PAPPA: variants seen among roughly 807,000 people sequenced by gnomAD.
PAPPA encodes the protein pappalysin-1.
In PAPPA, 60 loss-of-function variants were observed where a neutral mutation model predicts 164.0. The observed-to-expected ratio is 0.37, with a 90% CI of 0.30 to 0.45. PAPPA has a LOEUF of 0.45. Ranked by LOEUF, PAPPA falls within the 20% of genes least tolerant of loss-of-function variation. The pLI, the probability that PAPPA is intolerant of heterozygous loss-of-function variation, is 1.00. For missense variants in PAPPA, 1,782 were observed against 2,087.3 expected, an observed-to-expected ratio of 0.85 and a Z score of 2.85; for synonymous variants, 875 against 814.1, an observed-to-expected ratio of 1.07 and a Z score of -1.27.
At chr9:116,289,208 A>G (rs1321457674) in intron 9 of PAPPA, among the ~76,000 whole-genome samples, 2 of 10,894 alleles carry the variant, frequency 1.8e-4, no homozygotes, top group South Asian at 7.1e-3. Context: ...ATATATATAT[A>G]GCATATATGT....
chr9:116,316,797 G>T (rs1570518), intron 10 of PAPPA, among the ~76,000 whole-genome samples: 1 of 152,038 alleles, frequency 6.6e-6, no homozygotes, highest in African/African-American at 2.4e-5. Flanking sequence ...GCATCCTTTG[G>T]AGACTCTTCC....
At chr9:116,356,895 G>A (rs565808741) in intron 17 of PAPPA, among the ~76,000 whole-genome samples, 40 of 152,246 alleles carry the variant, frequency 2.6e-4, no homozygotes, top group Non-Finnish European at 3.8e-4. Flanking sequence ...AACCACCATG[G>A]CACCTGTATA....
chr9:116,233,779 C>A (rs1301550520), intron 6 of PAPPA, among the ~76,000 whole-genome samples: 1 of 152,054 alleles, frequency 6.6e-6, no homozygotes, highest in Non-Finnish European at 1.5e-5. Context: ...TTCCTGTTAC[C>A]CTGTAACATT....
chr9:116,232,913 G>A (rs1360073217), intron 6 of PAPPA, among the ~76,000 whole-genome samples: 1 of 152,178 alleles, frequency 6.6e-6, no homozygotes, highest in Non-Finnish European at 1.5e-5. Context: ...GAGGAAGGAT[G>A]AGCCAGGCAG....
intron 10 of PAPPA, among the ~76,000 whole-genome samples, chr9:116,322,249 A>C (rs1845865684): frequency 6.6e-6 from 1 of 151,954 alleles, no homozygotes; most frequent in Non-Finnish European, 1.5e-5. Flanking sequence ...ATCTCTACTA[A>C]AAATACAAAA....
At chr9:116,166,536 G>A (rs1311038000) in intron 1 of PAPPA, among the ~76,000 whole-genome samples, 1 of 152,080 alleles carries the variant, frequency 6.6e-6, no homozygotes, top group South Asian at 2.1e-4. Flanking sequence ...CCTTGATCTT[G>A]TGAGACCTTG....
chr9:116,217,400 T>G (rs1295760860), intron 4 of PAPPA, among the ~76,000 whole-genome samples: 4 of 152,200 alleles, frequency 2.6e-5, no homozygotes, highest in Admixed American at 2.0e-4. Context: ...GTTCTATGTC[T>G]GTGCCTTAAA....
intron 10 of PAPPA, among the ~76,000 whole-genome samples, chr9:116,317,224 T>TATC (rs1423931510): frequency 2.0e-5 from 3 of 152,222 alleles, no homozygotes; most frequent in Non-Finnish European, 4.4e-5. Context: ...CTTTCTTGAA[T>TATC]AGGCCGATGC....
chr9:116,255,918 T>G (rs1276370718), intron 7 of PAPPA, among the ~76,000 whole-genome samples: 1 of 151,862 alleles, frequency 6.6e-6, no homozygotes, highest in African/African-American at 2.4e-5. Flanking sequence ...AAGTGGAAAT[T>G]TATAACCATT....
intron 7 of PAPPA, among the ~76,000 whole-genome samples, chr9:116,236,981 A>G (rs1844676023): frequency 1.3e-5 from 2 of 152,210 alleles, no homozygotes; most frequent in Admixed American, 6.5e-5. Context: ...AGTCTTCGCC[A>G]TCTAACTTGG....
At chr9:116,175,475 A>G (rs1843823417) in intron 1 of PAPPA, among the ~76,000 whole-genome samples, 1 of 152,262 alleles carries the variant, frequency 6.6e-6, no homozygotes. Context: ...ATTTCATAAT[A>G]TCATGTTGTA....
rs1308064343 is a variant in PAPPA, at chr9:116,285,298, T to C, written c.2953+13882T>C. On this transcript the variant is annotated intron_variant, in intron 9 of 21. Transcript: ENST00000328252. ...GATTCTCCTGCCTCAGCCTCCCAAG[T>C]AGCTGGGACTACAGGCACATACCAC... 7.3e-5 allele frequency among the ~76,000 whole-genome samples: 11 copies of C among 150,226 alleles called. No individual in the cohort carries two copies. The East Asian group carries it at 2.2e-3, about 30-fold the overall frequency.
chr9:116,180,904 G>A (rs377583329), intron 1 of PAPPA, among the ~76,000 whole-genome samples: 20 of 152,244 alleles, frequency 1.3e-4, no homozygotes, highest in African/African-American at 4.3e-4. Flanking sequence ...AGGGGACCTC[G>A]CCTCTCTGAC....
chr9:116,361,411 C>T (rs189001546), intron 17 of PAPPA, among the ~76,000 whole-genome samples: 27 of 152,326 alleles, frequency 1.8e-4, no homozygotes, highest in African/African-American at 5.8e-4. Context: ...TAAGGCTCCA[C>T]GCTTTATCTG....
At chr9:116,329,101 A>G (rs914840942) in intron 10 of PAPPA, among the ~76,000 whole-genome samples, 1 of 152,190 alleles carries the variant, frequency 6.6e-6, no homozygotes, top group African/African-American at 2.4e-5. Context: ...CATTGCAAGA[A>G]GTAATGGAAA....
At chr9:116,239,831 T>C (rs867802799) in intron 7 of PAPPA, among the ~76,000 whole-genome samples, 1 of 152,040 alleles carries the variant, frequency 6.6e-6, no homozygotes, top group Middle Eastern at 3.4e-3. Context: ...TGGCCAAAGC[T>C]CTAAATATAG....
chr9:116,373,059 G>A (rs1257979838), intron 19 of PAPPA: 2 of 152,184 alleles, frequency 1.3e-5, no homozygotes, highest in Non-Finnish European at 2.9e-5. Context: ...TGAAAAGAAG[G>A]TAGTTTTGTG....
chr9:116,171,644 G>A (rs1843777068), intron 1 of PAPPA, among the ~76,000 whole-genome samples: 1 of 152,142 alleles, frequency 6.6e-6, no homozygotes, highest in African/African-American at 2.4e-5. Context: ...GTGAACAGTG[G>A]GTATCACTGG....
intron 3 of PAPPA, among the ~76,000 whole-genome samples, chr9:116,209,650 A>C (rs1844282663): frequency 6.6e-6 from 1 of 152,098 alleles, no homozygotes; most frequent in South Asian, 2.1e-4. Flanking sequence ...AAGTGCTGTC[A>C]CTCTGTGAAA....
Sources: gnomAD v4.1 joint callset for allele counts (sites outside exome capture counted in the v4.1 genomes callset) on GRCh38, gnomAD v4.1.1 for gene constraint, MANE v1.5 for transcripts, NCBI Gene and HGNC (gene_info 2026-07-23, HGNC 2026-07-21) for gene names.